The following COBL variants were observed in gnomAD, a reference collection of about 807,000 sequenced individuals.
COBL encodes cordon-bleu WH2 repeat protein, also known as protein cordon-bleu.
COBL carries 51 observed loss-of-function variants against 98.8 expected under a neutral mutation model. The ratio of observed to expected loss-of-function variants is 0.52; its 90% CI spans 0.41 to 0.65. The LOEUF (loss-of-function observed/expected upper bound fraction) is 0.65, where lower values mean the gene tolerates loss of function less well. Ranked by LOEUF, COBL falls within the 30% of genes least tolerant of loss-of-function variation. COBL has a pLI of 0.00. For missense variants in COBL, 1,617 were observed against 1,617.5 expected (o/e 1.00, Z 0.01); for synonymous variants, 634 against 651.7 (o/e 0.97, Z 0.41).
intron 1 of COBL, among the ~76,000 whole-genome samples, chr7:51,303,646 A>AT (rs1268920299): frequency 1.3e-5 from 2 of 152,132 alleles, no homozygotes; most frequent in African/African-American, 4.8e-5. Flanking sequence ...TGGGAGAGGG[A>AT]TTTTACCAAG....
intron 1 of COBL, among the ~76,000 whole-genome samples, chr7:51,257,204 T>C (rs916526596): frequency 6.6e-6 from 1 of 152,146 alleles, no homozygotes; most frequent in African/African-American, 2.4e-5. Context: ...GCTGGAGACA[T>C]GGTGTGCAAT....
At chr7:51,285,599 A>G (rs1023195998) in intron 1 of COBL, among the ~76,000 whole-genome samples, 1 of 152,248 alleles carries the variant, frequency 6.6e-6, no homozygotes, top group Non-Finnish European at 1.5e-5. Context: ...TGAGAACTAC[A>G]AAACACTGGT....
At chr7:51,018,683 G>A (rs1029063557) in intron 12 of COBL, among the ~76,000 whole-genome samples, 2 of 151,138 alleles carry the variant, frequency 1.3e-5, no homozygotes, top group African/African-American at 2.4e-5. Flanking sequence ...ACCTGAGGTC[G>A]GGAGTTCGAA....
chr7:51,179,914 C>G (rs1788775381), intron 5 of COBL, among the ~76,000 whole-genome samples: 1 of 152,102 alleles, frequency 6.6e-6, no homozygotes, highest in Admixed American at 6.5e-5. Context: ...TTGTTTGAAA[C>G]ACAGTAGGTT....
chr7:51,136,057 G>T, intron 6 of COBL, 101 bp downstream of exon 6: 1 of 1,430,904 alleles, frequency 7.0e-7, no homozygotes, highest in Non-Finnish European at 9.4e-7. Context: ...AGTCGCTACA[G>T]CCACAAACAT....
chr7:51,088,745 T>C (rs988984054), intron 6 of COBL, among the ~76,000 whole-genome samples: 4 of 152,180 alleles, frequency 2.6e-5, no homozygotes, highest in African/African-American at 9.6e-5. Flanking sequence ...TGGGCAGAAA[T>C]GCAGTAGCTG....
intron 1 of COBL, among the ~76,000 whole-genome samples, chr7:51,222,327 C>T (rs564857912): frequency 6.6e-6 from 1 of 152,228 alleles, no homozygotes; most frequent in Admixed American, 6.5e-5. Context: ...CCATTATATA[C>T]TTCTTTCAAT....
chr7:51,275,477 A>G (rs796435967), intron 1 of COBL, among the ~76,000 whole-genome samples: 21 of 152,248 alleles, frequency 1.4e-4, no homozygotes, highest in African/African-American at 5.1e-4. Flanking sequence ...GGCTGTTCTG[A>G]GATCCCAGCT....
intron 5 of COBL, among the ~76,000 whole-genome samples, chr7:51,166,211 T>G (rs755808758): frequency 6.6e-6 from 1 of 151,492 alleles, no homozygotes; most frequent in Non-Finnish European, 1.5e-5. Flanking sequence ...TGACAAACCT[T>G]CAGCCAGATG....
At chr7:51,076,904 T>C (rs1028457748) in intron 7 of COBL, among the ~76,000 whole-genome samples, 3 of 152,258 alleles carry the variant, frequency 2.0e-5, no homozygotes, top group African/African-American at 7.2e-5. Context: ...GGATCTGTAA[T>C]TTGAGCTCCA....
chr7:51,060,227 T>C (rs1413595014), intron 7 of COBL, among the ~76,000 whole-genome samples: 1 of 152,248 alleles, frequency 6.6e-6, no homozygotes, highest in East Asian at 1.9e-4. Flanking sequence ...AAGCAATCTC[T>C]GCAGGAAACT....
At chr7:51,155,291 A>G (rs1437298665) in intron 5 of COBL, among the ~76,000 whole-genome samples, 1 of 152,154 alleles carries the variant, frequency 6.6e-6, no homozygotes, top group African/African-American at 2.4e-5. Context: ...TTGGTAATAG[A>G]AAGACTGTAC....
At chr7:51,275,469 C>T (rs1799213703) in intron 1 of COBL, among the ~76,000 whole-genome samples, 1 of 152,196 alleles carries the variant, frequency 6.6e-6, no homozygotes, top group Admixed American at 6.5e-5. Flanking sequence ...CAGGGCCTGG[C>T]TGTTCTGAGA....
At chr7:51,266,977 T>C (rs1298241879) in intron 1 of COBL, among the ~76,000 whole-genome samples, 1 of 152,108 alleles carries the variant, frequency 6.6e-6, no homozygotes, top group Non-Finnish European at 1.5e-5. Context: ...ATAAAAAGCA[T>C]ATAACATTGT....
At chr7:51,261,207 A>G (rs772750219) in intron 1 of COBL, among the ~76,000 whole-genome samples, 5 of 152,258 alleles carry the variant, frequency 3.3e-5, no homozygotes, top group Non-Finnish European at 7.3e-5. Context: ...CTCTCCTGAC[A>G]GCCCATCCAA....
At chr7:51,251,573 C>T (rs1796728519) in intron 1 of COBL, among the ~76,000 whole-genome samples, 2 of 152,322 alleles carry the variant, frequency 1.3e-5, no homozygotes, top group Admixed American at 1.3e-4. Flanking sequence ...AGATCCATAT[C>T]AAGATCCTTG....
At chr7:51,189,883 T>C (rs946733049) in intron 4 of COBL, among the ~76,000 whole-genome samples, 1 of 152,180 alleles carries the variant, frequency 6.6e-6, no homozygotes, top group Non-Finnish European at 1.5e-5. Flanking sequence ...CAGTAGCAGT[T>C]AGCACTCTAT....
intron 6 of COBL, among the ~76,000 whole-genome samples, chr7:51,096,378 G>C (rs1351601399): frequency 6.6e-6 from 1 of 152,030 alleles, no homozygotes; most frequent in Non-Finnish European, 1.5e-5. Flanking sequence ...GCAATTCTAA[G>C]AGGAAAGCTT....
chr7:51,017,532 T>C lies in COBL; in HGVS notation c.*19A>G, dbSNP rs763980009. ...GCATATTACAGGTGGGTTTCTGCAATTCTCTGGCCTCTGTTCATTCACACG... is the reference window on the plus strand; with the variant it reads ...GCATATTACAGGTGGGTTTCTGCAACTCTCTGGCCTCTGTTCATTCACACG... On this transcript the variant is annotated 3_prime_UTR_variant, in exon 13 of 13. Transcript: ENST00000265136. 5.3e-5 allele frequency: 86 copies of C among 1,613,812 alleles called. 1 individual carries two copies. In the South Asian group the frequency reaches 8.8e-4, roughly 16 times the overall value.
Sources: allele counts gnomAD v4.1 joint callset (sites outside exome capture counted in the v4.1 genomes callset), GRCh38; gene constraint gnomAD v4.1.1; transcripts MANE v1.5; gene names NCBI Gene and HGNC (gene_info 2026-07-23, HGNC 2026-07-21).